PARM1: variants seen among roughly 807,000 people sequenced by gnomAD.
PARM1 encodes prostate androgen-regulated mucin-like protein 1, also known as WSC4, cell wall integrity and stress response component 4 homolog.
Under a neutral mutation model 24.6 loss-of-function variants are expected in PARM1, and 14 were observed. The ratio of observed to expected loss-of-function variants is 0.57; its 90% confidence interval spans 0.38 to 0.89. PARM1 has a LOEUF of 0.89. PARM1 is among the 40% of genes least tolerant of loss of function. The pLI is 0.00. For synonymous variants in PARM1, 179 were observed against 156.6 expected, an observed-to-expected ratio of 1.14 and a Z score of -1.07; for missense variants, 362 against 380.4, an observed-to-expected ratio of 0.95 and a Z score of 0.40.
At chr4:74,996,607 A>G (rs80248241) in intron 1 of PARM1, among the ~76,000 whole-genome samples, 2,030 of 152,268 alleles carry the variant, frequency 0.013, 58 homozygotes, top group African/African-American at 0.047. Flanking sequence ...GCTGGGGCTC[A>G]TTTGAGAATG....
At chr4:74,955,950 C>A (rs1011859700) in intron 1 of PARM1, 1 of 151,644 alleles carries the variant, frequency 6.6e-6, no homozygotes, top group African/African-American at 2.4e-5. Flanking sequence ...TTTAGACCTC[C>A]AAAAAAAACT....
At chr4:74,976,520 G>A (rs1473312226) in intron 1 of PARM1, among the ~76,000 whole-genome samples, 1 of 152,178 alleles carries the variant, frequency 6.6e-6, no homozygotes, top group Non-Finnish European at 1.5e-5. Flanking sequence ...TGTCTTTCCT[G>A]CCTGCTTGCT....
At chr4:75,016,509 C>T (rs1722990329) in intron 2 of PARM1, among the ~76,000 whole-genome samples, 1 of 152,082 alleles carries the variant, frequency 6.6e-6, no homozygotes, top group Non-Finnish European at 1.5e-5. Flanking sequence ...TCCCATCACC[C>T]AGGTAGTGAT....
chr4:74,995,896 G>T (rs188365035), intron 1 of PARM1, among the ~76,000 whole-genome samples: 1 of 152,092 alleles, frequency 6.6e-6, no homozygotes, highest in Non-Finnish European at 1.5e-5. Flanking sequence ...GAGCTCACAC[G>T]TGTCTTACAA....
chr4:74,981,706 C>T (rs111745159), intron 1 of PARM1, among the ~76,000 whole-genome samples: 8,002 of 151,976 alleles, frequency 0.053, 227 homozygotes, highest in Middle Eastern at 0.092. Context: ...GAAACCCCGT[C>T]TCTACTAAAA....
At chr4:74,980,354 C>T (rs1722224992) in intron 1 of PARM1, among the ~76,000 whole-genome samples, 1 of 152,068 alleles carries the variant, frequency 6.6e-6, no homozygotes, top group Admixed American at 6.6e-5. Flanking sequence ...CATGAACGAA[C>T]TTCTATTCAC....
chr4:75,029,339 G>A (rs1723236655), intron 2 of PARM1, among the ~76,000 whole-genome samples: 1 of 152,206 alleles, frequency 6.6e-6, no homozygotes, highest in Non-Finnish European at 1.5e-5. Flanking sequence ...CCTTGGTATG[G>A]TTTGGCTGTG....
intron 1 of PARM1, among the ~76,000 whole-genome samples, chr4:74,946,931 G>C (rs909237825): frequency 6.6e-6 from 1 of 152,160 alleles, no homozygotes; most frequent in Non-Finnish European, 1.5e-5. Context: ...ATTTATCTAA[G>C]CCTGCGTTTA....
intron 1 of PARM1, among the ~76,000 whole-genome samples, chr4:75,003,425 C>T (rs1216676825): frequency 6.6e-6 from 1 of 152,030 alleles, no homozygotes; most frequent in East Asian, 1.9e-4. Flanking sequence ...GGGGAGCCTG[C>T]TGATATGATT....
intron 1 of PARM1, among the ~76,000 whole-genome samples, chr4:74,943,804 C>G (rs915838511): frequency 6.6e-6 from 1 of 152,140 alleles, no homozygotes; most frequent in Non-Finnish European, 1.5e-5. Context: ...CTAAGGGAAG[C>G]ACTATTGAAA....
chr4:75,040,782 A>T (rs541580628), intron 3 of PARM1, among the ~76,000 whole-genome samples: 4 of 152,258 alleles, frequency 2.6e-5, no homozygotes, highest in South Asian at 4.1e-4. Flanking sequence ...TATTTTTTTT[A>T]AATTATGACT....
chr4:74,970,858 T>C (rs371486838), intron 1 of PARM1, among the ~76,000 whole-genome samples: 3 of 152,188 alleles, frequency 2.0e-5, no homozygotes, highest in African/African-American at 7.2e-5. Context: ...AATATAGAGT[T>C]GTGGGAGCCA....
intron 1 of PARM1, among the ~76,000 whole-genome samples, chr4:75,004,389 G>A (rs1722734457): frequency 6.6e-6 from 1 of 152,198 alleles, no homozygotes; most frequent in African/African-American, 2.4e-5. Flanking sequence ...GTGAAGTGAG[G>A]TGGCTGCACA....
chr4:74,985,598 A>G (rs77033399), intron 1 of PARM1, among the ~76,000 whole-genome samples: 1,648 of 152,286 alleles, frequency 0.011, 39 homozygotes, highest in African/African-American at 0.038. Flanking sequence ...AACTTGCCCA[A>G]TGTTGCAAAG....
At position 75,048,277 on chromosome 4, in the gene PARM1, T is replaced by G. The variant is rs1723649688; in HGVS notation, c.*2030T>G. On this transcript the variant is annotated 3_prime_UTR_variant, in exon 4 of 4. Coordinates refer to ENST00000307428, the MANE Select transcript of PARM1 (RefSeq NM_015393.4). ...GAGAATGAGCAAGCCCCAGAAGTATTTTACAACCAGAGTGGGTAATGAGGA... is the reference window on the plus strand; with the variant it reads ...GAGAATGAGCAAGCCCCAGAAGTATGTTACAACCAGAGTGGGTAATGAGGA... 6.6e-6 allele frequency: 1 copy of G among 152,148 alleles called. No individual in the cohort carries two copies. Among genetic ancestry groups the G allele is most frequent in the Non-Finnish European group, 1.5e-5 (1 of 68,036 alleles). The allele number at this position is 152,148 out of a possible 1,614,324, so 9.4% of individuals were successfully genotyped here. A position where few individuals can be genotyped will look rare whatever the true frequency, so the allele number is the denominator to read the frequency against.
chr4:75,021,416 C>A (rs377507416), intron 2 of PARM1, among the ~76,000 whole-genome samples: 1 of 152,058 alleles, frequency 6.6e-6, no homozygotes, highest in East Asian at 1.9e-4. Flanking sequence ...TAAACTCTCA[C>A]TCATATTTTT....
At chr4:74,987,044 G>A (rs1199390085) in intron 1 of PARM1, among the ~76,000 whole-genome samples, 1 of 152,068 alleles carries the variant, frequency 6.6e-6, no homozygotes, top group African/African-American at 2.4e-5. Context: ...ATTGAAATAG[G>A]ACCTAATACA....
chr4:75,042,071 A>G (rs1311347110), intron 3 of PARM1, among the ~76,000 whole-genome samples: 1 of 152,180 alleles, frequency 6.6e-6, no homozygotes, highest in African/African-American at 2.4e-5. Context: ...CATTTTTCCA[A>G]TTATACTATA....
chr4:74,948,262 C>G (rs1721445548), intron 1 of PARM1, among the ~76,000 whole-genome samples: 1 of 152,148 alleles, frequency 6.6e-6, no homozygotes, highest in East Asian at 1.9e-4. Context: ...ACTGCAGAAA[C>G]TGAGGCTCAA....
Sources: gnomAD v4.1 joint callset for allele counts (sites outside exome capture counted in the v4.1 genomes callset) on GRCh38, gnomAD v4.1.1 for gene constraint, MANE v1.5 for transcripts, NCBI Gene and HGNC (gene_info 2026-07-23, HGNC 2026-07-21) for gene names.